The following RGS4 variants were observed in gnomAD, a reference collection of about 807,000 sequenced individuals.
RGS4 encodes regulator of G protein signaling 4, also known as schizophrenia disorder 9.
Under a neutral mutation model 21.6 loss-of-function variants are expected in RGS4, and 15 were observed. The ratio of observed to expected loss-of-function variants is 0.69; its 90% CI spans 0.46 to 1.07. The LOEUF (loss-of-function observed/expected upper bound fraction) is 1.07. Among genes scored for constraint, RGS4 ranks in the 50% least tolerant of loss-of-function variants. The pLI is 0.00. For missense variants in RGS4, 237 were observed against 239.0 expected, an observed-to-expected ratio of 0.99 and a Z score of 0.06; for synonymous variants, 94 against 85.5, an observed-to-expected ratio of 1.10 and a Z score of -0.55.
At chr1:163,072,664 G>A in intron 2 of RGS4, 141 bp from the exon 3 acceptor site, 1 of 843,738 alleles carries the variant, frequency 1.2e-6, no homozygotes, top group Non-Finnish European at 1.9e-6. Flanking sequence ...TACATTTAGT[G>A]AAAAACTGCC....
At chr1:163,073,833 C>T (rs1188435192) in intron 4 of RGS4, 1 of 484,260 alleles carries the variant, frequency 2.1e-6, no homozygotes, top group Non-Finnish European at 3.6e-6. Context: ...CTATATCACC[C>T]TAATGTGCTA....
At chr1:163,068,978 G>C, upstream of RGS4, 1 of 1,607,032 alleles carries the variant, frequency 6.2e-7, no homozygotes, top group Admixed American at 1.7e-5. Flanking sequence ...AAAGGCATTG[G>C]GAGTCAGCTC....
chr1:163,068,966 G>A (rs763907200), upstream of RGS4: 2 of 1,608,074 alleles, frequency 1.2e-6, no homozygotes. Flanking sequence ...ATCCAAAAGA[G>A]GAAAGGCATT....
Position 163,073,629 on chromosome 1 carries a change from T to A in RGS4, c.378+7T>A, listed in dbSNP as rs767512758. 7.7e-6 allele frequency: 12 copies of A among 1,568,556 alleles called. No individual in the cohort carries two copies. The highest frequency in any genetic ancestry group is 2.8e-5 in the African/African-American group (2 of 72,548). ...AGTCCAGGCAACCAAAGAGGTAGGT[T>A]TTTTATGGATACATAAAAATTGTAC... is the stretch of plus-strand genomic sequence containing the variant. On this transcript the variant is annotated splice_region_variant and intron_variant, in intron 4 of 4. Coordinates refer to ENST00000367909, the MANE Select transcript of RGS4 (RefSeq NM_005613.6).
chr1:163,069,478 A>G lies in RGS4; in HGVS notation c.-7A>G. The G allele has an allele frequency of 1.2e-6, 2 of 1,613,520 alleles. No homozygotes were observed. The highest frequency in any genetic ancestry group is 2.2e-5 in the East Asian group (1 of 44,796). On this transcript the variant is annotated 5_prime_UTR_variant, in exon 1 of 5. Coordinates refer to ENST00000367909, the MANE Select transcript of RGS4 (RefSeq NM_005613.6). ...TCCTGCTTGCGAATTCCAAGCTGTT[A>G]AATAAGATGTGCAAAGGGCTTGCAG...
rs1466153386 is a variant in RGS4 at position 163,072,470 on chromosome 1, C to T, written c.120C>T (p.Asn40=). The T allele has an allele frequency of 6.2e-7, 1 of 1,612,880 alleles. No homozygotes were observed. The highest frequency in any genetic ancestry group is 8.5e-7 in the Non-Finnish European group (1 of 1,179,180). The change falls in exon 2 of 5, where the codon AAC becomes AAT. Residue 40 remains asparagine (N), a synonymous_variant. Transcript: ENST00000367909. ...SDSCEHNSSH[N]KKDKVVICQR... ...CCTGTGAACACAATTCTTCCCACAA[C>T]AAGAAGGACAAAGTGGTTATTTGCC...
intron 1 of RGS4, chr1:163,071,900 CTT>C (rs1655328245): frequency 4.1e-6 from 3 of 732,248 alleles, no homozygotes; most frequent in East Asian, 3.2e-4. Flanking sequence ...ACTGAATAGA[CTT>C]TTACTTTCCC....
upstream of RGS4, chr1:163,069,200 C>T (rs149857366): frequency 2.4e-4 from 369 of 1,518,006 alleles, no homozygotes; most frequent in Middle Eastern, 2.8e-3. Flanking sequence ...TTTCTCTGCT[C>T]GTTCACTTAA....
Position 163,074,735 on chromosome 1 carries a change from T to C in RGS4, c.*175T>C, listed in dbSNP as rs1239732529. ...ATAAACTAGATATAGCTTTTGGTGT[T>C]TGAGTGTTCATCAGGGTGGGACCCC... is the stretch of plus-strand genomic sequence containing the variant. On this transcript the variant is annotated 3_prime_UTR_variant, in exon 5 of 5. Transcript: ENST00000367909. The C allele has an allele frequency of 5.2e-6, 5 of 969,628 alleles. No individual in the cohort carries two copies. Among genetic ancestry groups the C allele is most frequent in the Non-Finnish European group, 8.0e-6 (5 of 627,162 alleles). 60.1% of individuals were successfully genotyped at this position (969,628 alleles called of 1,614,324 possible).
rs1436317960 is a variant in RGS4, at chr1:163,076,609, T to G, written c.*2049T>G. The G allele has an allele frequency of 6.6e-6, 1 of 152,476 alleles. No individual in the cohort carries two copies. Among genetic ancestry groups the G allele is most frequent in the Non-Finnish European group, 1.5e-5 (1 of 68,010 alleles). 9.4% of individuals were successfully genotyped at this position (152,476 alleles called of 1,614,324 possible). ...TATGTAATACATTTTTGAGTGTGTT[T>G]TTCAGTTGTATTTCCCTGTTATTTC... On this transcript the variant is annotated 3_prime_UTR_variant, in exon 5 of 5. Transcript: ENST00000367909.
chr1:163,069,332 A>G (rs546899431), upstream of RGS4: 135 of 1,552,082 alleles, frequency 8.7e-5, no homozygotes, highest in East Asian at 2.5e-3. Context: ...TAGCTGGGCT[A>G]TAAAAGAGAC....
Position 163,074,995 on chromosome 1 carries a change from CT to C in RGS4, c.*437del. On this transcript the variant is annotated 3_prime_UTR_variant, in exon 5 of 5. Coordinates refer to ENST00000367909, the MANE Select transcript of RGS4 (RefSeq NM_005613.6). ...AGATGAGGTTGAGCTATGATATGTG[CT>C]TGTGTGTATGTCTATGTGTATATAT... 1 of 415,426 alleles carries C rather than the reference CT, an allele frequency of 2.4e-6. No individual in the cohort carries two copies. The highest frequency in any genetic ancestry group is 4.4e-6 in the Non-Finnish European group (1 of 228,510). The allele number at this position is 415,426 out of a possible 1,614,324, so 25.7% of individuals were successfully genotyped here. A position where few individuals can be genotyped will look rare whatever the true frequency, so the allele number is the denominator to read the frequency against.
In RGS4 at chr1:163,072,374, ATTT is replaced by A. The variant is rs767077703; in HGVS notation, c.45-16_45-14del. 15 of 1,562,064 alleles carry A rather than the reference ATTT, an allele frequency of 9.6e-6. No individual in the cohort carries two copies. The highest frequency in any genetic ancestry group is 1.7e-5 in the Admixed American group (1 of 59,280). Reference sequence around the variant, plus strand: ...GAAAGCTGGTTATTACTATTTATTCATTTTTTTCTCTTCTGTGCAGTGCAAAAG... The same window carrying A: ...GAAAGCTGGTTATTACTATTTATTCATTTTCTCTTCTGTGCAGTGCAAAAG... On this transcript the variant is annotated intron_variant, in intron 1 of 4. Coordinates refer to ENST00000367909, the MANE Select transcript of RGS4 (RefSeq NM_005613.6).
intron 1 of RGS4, 135 bp downstream of exon 1, chr1:163,069,663 C>T: frequency 1.4e-6 from 1 of 706,424 alleles, no homozygotes; most frequent in Non-Finnish European, 2.3e-6. Flanking sequence ...TTCTAACTTT[C>T]CTCCAAGACT....
chr1:163,072,117 C>T, intron 1 of RGS4: 1 of 1,123,338 alleles, frequency 8.9e-7, no homozygotes, highest in Non-Finnish European at 1.1e-6. Context: ...AAATGACGGG[C>T]ATATAAAGGC....
In RGS4 at chr1:163,072,799, T is replaced by C; in HGVS notation, c.150-6T>C. The C allele has an allele frequency of 1.9e-6, 3 of 1,611,822 alleles. No individual in the cohort carries two copies. The highest frequency in any genetic ancestry group is 2.5e-6 in the Non-Finnish European group (3 of 1,178,444). ...CAATTATTCTGTTTCTCTCTATTTT[T>C]TCTAGAGTGAGCCAAGAGGAAGTCA... On this transcript the variant is annotated splice_polypyrimidine_tract_variant and splice_region_variant and intron_variant, in intron 2 of 4. Coordinates refer to ENST00000367909, the MANE Select transcript of RGS4 (RefSeq NM_005613.6).
intron 1 of RGS4, among the ~76,000 whole-genome samples, chr1:163,069,829 C>A (rs982262885): frequency 1.3e-5 from 2 of 152,106 alleles, no homozygotes; most frequent in Admixed American, 6.6e-5. Flanking sequence ...AGGCTATGTA[C>A]AGTGATCTGT....
At position 163,073,125 on chromosome 1, in the gene RGS4, A is replaced by C. The variant is rs577757761; in HGVS notation, c.211+259A>C. Among the ~76,000 whole-genome samples the C allele has an allele frequency of 4.6e-5, 7 of 152,306 alleles. No individual in the cohort carries two copies. In the South Asian group the frequency reaches 1.5e-3, roughly 32 times the overall value. ...AAACGGAAGAGAGAAAAAAAATGATAAATATCAATACCTTCTTGCAAAATC... is the reference window on the plus strand; with the variant it reads ...AAACGGAAGAGAGAAAAAAAATGATCAATATCAATACCTTCTTGCAAAATC... On this transcript the variant is annotated intron_variant, in intron 3 of 4. Transcript: ENST00000367909.
rs14665 is a variant in RGS4 at position 163,074,525 on chromosome 1, G to T, written c.583G>T (p.Ala195Ser). 6.2e-7 allele frequency: 1 copy of T among 1,613,902 alleles called. No homozygotes were observed. Among genetic ancestry groups the T allele is most frequent in the East Asian group, 2.2e-5 (1 of 44,856 alleles). The change falls in exon 5 of 5, where the codon GCA (alanine) becomes TCA (serine). Residue 195 changes from alanine to serine, a missense_variant. Coordinates refer to ENST00000367909, the MANE Select transcript of RGS4 (RefSeq NM_005613.6). ...AEKQKGAKSS[A>S]DCASLVPQCA ...AAAGCAGAAAGGAGCCAAGAGTTCA[G>T]CAGACTGTGCTTCCCTGGTCCCTCA...
Sources: allele counts gnomAD v4.1 joint callset (sites outside exome capture counted in the v4.1 genomes callset), GRCh38; gene constraint gnomAD v4.1.1; transcripts MANE v1.5; gene names NCBI Gene and HGNC (gene_info 2026-07-23, HGNC 2026-07-21).